The following MELTF variants were observed in gnomAD, a reference collection of about 807,000 sequenced individuals.
The protein encoded by MELTF is antigen p97 (melanoma associated) identified by monoclonal antibodies 133.2 and 96.5.
Under a neutral mutation model 83.7 loss-of-function variants are expected in MELTF, and 67 were observed. The observed-to-expected ratio is 0.80, with a 90% confidence interval of 0.66 to 0.98. The LOEUF (loss-of-function observed/expected upper bound fraction) is 0.98. Among genes scored for constraint, MELTF ranks in the 50% least tolerant of loss-of-function variants. The probability of loss-of-function intolerance (pLI) is 0.00; values close to 1 mark genes in which losing one functional copy is unlikely to be tolerated. For synonymous variants in MELTF, 462 were observed against 447.6 expected (o/e 1.03, Z -0.41); for missense variants, 1,002 against 1,035.6 (o/e 0.97, Z 0.44).
Position 197,006,619 on chromosome 3 carries a change from G to A in MELTF, c.1868C>T (p.Pro623Leu). The change falls in exon 14 of 16, where the codon CCA (proline) becomes CTA (leucine). Residue 623 changes from proline to leucine, a missense_variant. Transcript: ENST00000296350. This position sits in a 1 kb window ranked among gnomAD's most constrained non-coding sequence, Gnocchi z 5.4. ...QFAACNLAQIPPHAVMVRPDT... is the reference protein window; with the variant it reads ...QFAACNLAQILPHAVMVRPDT... ...GGGCCGGACCATCACGGCGTGGGGT[G>A]GTATCTGTGCCAGGTTGCAGGCTGC... 6.2e-7 allele frequency: 1 copy of A among 1,613,288 alleles called. No homozygotes were observed. Among genetic ancestry groups the A allele is most frequent in the Non-Finnish European group, 8.5e-7 (1 of 1,179,568 alleles).
At position 197,003,858 on chromosome 3, in the gene MELTF, T is replaced by C. The variant is rs1718874156; in HGVS notation, c.2137+43A>G. 2.5e-6 allele frequency: 4 copies of C among 1,595,556 alleles called. No homozygotes were observed. Among genetic ancestry groups the C allele is most frequent in the Non-Finnish European group, 3.4e-6 (4 of 1,169,250 alleles). ...CCCTCAGGGTTCTGGGGTGAAGGGG[T>C]CTGAATAGCACCAGGGGAGGCGGCA... On this transcript the variant is annotated intron_variant, in intron 15 of 15. Transcript: ENST00000296350. This position sits in a 1 kb window ranked among gnomAD's most constrained non-coding sequence, Gnocchi z 6.2.
In MELTF at chr3:197,022,667, A is replaced by T. The variant is rs1719668671; in HGVS notation, c.644+290T>A. Among the ~76,000 whole-genome samples the T allele has an allele frequency of 6.6e-6, 1 of 152,150 alleles. No homozygotes were observed. The highest frequency in any genetic ancestry group is 2.4e-5 in the African/African-American group (1 of 41,422). On this transcript the variant is annotated intron_variant, in intron 5 of 15. Transcript: ENST00000296350. The surrounding 1 kb of genome is among the most constrained non-coding windows in gnomAD (Gnocchi z 5.1). ...GCTCCCTGCTGGTCTGAGAATGGGGACATGGGAGTGGCCAAAAGGCTGTTT... is the reference window on the plus strand; with the variant it reads ...GCTCCCTGCTGGTCTGAGAATGGGGTCATGGGAGTGGCCAAAAGGCTGTTT...
rs1238866485 is a variant in MELTF at position 197,026,851 on chromosome 3, C to T, written c.205-92G>A. ...CTACCAGATGGCCTGGGGCCCCACCCCAAGCCCCAGAGGGCTGTGCTGTCC... is the reference window on the plus strand; with the variant it reads ...CTACCAGATGGCCTGGGGCCCCACCTCAAGCCCCAGAGGGCTGTGCTGTCC... On this transcript the variant is annotated intron_variant, in intron 2 of 15. Coordinates refer to ENST00000296350, the MANE Select transcript of MELTF (RefSeq NM_005929.6). 6 of 1,088,272 alleles carry T rather than the reference C, an allele frequency of 5.5e-6. No homozygotes were observed. The East Asian group carries it at 1.5e-4, about 27-fold the overall frequency. 67.4% of individuals were successfully genotyped at this position (1,088,272 alleles called of 1,614,324 possible).
In MELTF at chr3:197,003,391, AGGCGGGCGGCGAGGGCG is replaced by A; in HGVS notation, c.2181_2197del (p.Leu729ProfsTer270). 1 of 1,057,246 alleles carries A rather than the reference AGGCGGGCGGCGAGGGCG, an allele frequency of 9.5e-7. No homozygotes were observed. The highest frequency in any genetic ancestry group is 1.1e-6 in the Non-Finnish European group (1 of 878,514). 65.5% of individuals were successfully genotyped at this position (1,057,246 alleles called of 1,614,324 possible). ...CCGGGCTCAGAGGGCGGGCGGGAGC[AGGCGGGCGGCGAGGGCG>A]GGCAGCAGCAGCGGGAGCAGGGGCG... On this transcript the variant is annotated frameshift_variant, in exon 16 of 16. Coordinates refer to ENST00000296350, the MANE Select transcript of MELTF (RefSeq NM_005929.6). LOFTEE classifies it high-confidence loss of function. The surrounding 1 kb of genome is among the most constrained non-coding windows in gnomAD (Gnocchi z 6.2).
intron 14 of MELTF, 166 bp from the exon 15 acceptor site, chr3:197,004,265 C>T (rs1322838821): frequency 8.6e-6 from 6 of 697,410 alleles, no homozygotes; most frequent in Non-Finnish European, 1.5e-5. Context: ...ACTGATTGGC[C>T]TCTGTCACCC....
chr3:197,023,887 G>T (rs1338503070), intron 4 of MELTF: 1 of 461,372 alleles, frequency 2.2e-6, no homozygotes, highest in African/African-American at 2.0e-5. Flanking sequence ...CTTTCTGGGT[G>T]CAAGTCGGCA....
At chr3:197,009,094 G>A (rs1487373342) in intron 11 of MELTF, 129 bp from the exon 12 acceptor site, 15 of 1,025,058 alleles carry the variant, frequency 1.5e-5, no homozygotes, top group Non-Finnish European at 2.1e-5. Context: ...TGTCTGCTCC[G>A]CTCCCCTCAG....
chr3:197,027,063 G>A (rs963274862), intron 2 of MELTF: 5 of 370,786 alleles, frequency 1.3e-5, no homozygotes, highest in African/African-American at 6.1e-5. Flanking sequence ...AGTCTCCCTC[G>A]CTTTCTGTCC....
rs115578681 is a variant in MELTF, at chr3:197,002,638, G to A, written c.*734C>T. 0.1 allele frequency: 15,555 copies of A among 152,324 alleles called. 2,341 individuals are homozygous for A. Among genetic ancestry groups the A allele is most frequent in the African/African-American group, 0.33 (13,642 of 41,494 alleles). The allele number at this position is 152,324 out of a possible 1,614,324, so 9.4% of individuals were successfully genotyped here. On this transcript the variant is annotated 3_prime_UTR_variant, in exon 16 of 16. Coordinates refer to ENST00000296350, the MANE Select transcript of MELTF (RefSeq NM_005929.6). ...TGCCGCCAGGCTCGGGCGTGGGTGC[G>A]GGCGGTGGGCATCCCACGGGGGTAG...
intron 6 of MELTF, among the ~76,000 whole-genome samples, chr3:197,018,022 C>G (rs1344349005): frequency 6.6e-6 from 1 of 152,212 alleles, no homozygotes; most frequent in African/African-American, 2.4e-5. Flanking sequence ...GGAAACAAAC[C>G]CCGAAGGAAT....
rs1719675135 is a variant in MELTF, at chr3:197,022,806, C to T, written c.644+151G>A. 1.4e-6 allele frequency: 1 copy of T among 724,268 alleles called. No homozygotes were observed. Among genetic ancestry groups the T allele is most frequent in the Non-Finnish European group, 2.3e-6 (1 of 432,490 alleles). 44.9% of individuals were successfully genotyped at this position (724,268 alleles called of 1,614,324 possible). A position where few individuals can be genotyped will look rare whatever the true frequency, so the allele number is the denominator to read the frequency against. On this transcript the variant is annotated intron_variant, in intron 5 of 15. Transcript: ENST00000296350. The surrounding 1 kb of genome is among the most constrained non-coding windows in gnomAD (Gnocchi z 5.1). Reference sequence around the variant, plus strand: ...CTGGATGTTTTTAAACTAACCAGGGCACAGAACTATATAAAGGGTGCTTTG... The same window carrying T: ...CTGGATGTTTTTAAACTAACCAGGGTACAGAACTATATAAAGGGTGCTTTG...
At position 197,022,866 on chromosome 3, in the gene MELTF, C is replaced by T. The variant is rs911788187; in HGVS notation, c.644+91G>A. 2.8e-5 allele frequency: 35 copies of T among 1,271,108 alleles called. No homozygotes were observed. The highest frequency in any genetic ancestry group is 1.0e-4 in the African/African-American group (7 of 66,868). The allele number at this position is 1,271,108 out of a possible 1,614,324, so 78.7% of individuals were successfully genotyped here. ...AGCCAACATGCCACTTCCCCCTCCA[C>T]GGCCCTCTCTGGGCAAAGGTGTTTT... On this transcript the variant is annotated intron_variant, in intron 5 of 15. Coordinates refer to ENST00000296350, the MANE Select transcript of MELTF (RefSeq NM_005929.6). The surrounding 1 kb of genome is among the most constrained non-coding windows in gnomAD (Gnocchi z 5.1).
chr3:197,028,542 C>T (rs1467253248), intron 1 of MELTF: 1 of 152,982 alleles, frequency 6.5e-6, no homozygotes, highest in Non-Finnish European at 1.5e-5. Context: ...CCTGCTTCAT[C>T]TTCTGAGAGA....
intron 1 of MELTF, 111 bp from the exon 2 acceptor site, chr3:197,028,021 C>T (rs1719937565): frequency 7.8e-7 from 1 of 1,286,154 alleles, no homozygotes; most frequent in Non-Finnish European, 1.1e-6. Flanking sequence ...GACAGCCAGT[C>T]CTCTAGGGCA....
chr3:197,023,096 C>A lies in MELTF; in HGVS notation c.505G>T (p.Gly169Trp). ...DVLKAVSDYF[G>W]GSCVPGAGET... is the part of the protein sequence containing the mutation. ...CCTGCCCCCGGGACGCAGCTGCCCC[C>A]AAAATAGTCGCTGACAGCTGTGGGA... is the stretch of plus-strand genomic sequence containing the variant. The change falls in exon 5 of 16, where the codon GGG becomes TGG. Residue 169 changes from glycine to tryptophan, a missense_variant. Coordinates refer to ENST00000296350, the MANE Select transcript of MELTF (RefSeq NM_005929.6). 4 of 1,613,714 alleles carry A rather than the reference C, an allele frequency of 2.5e-6. No individual in the cohort carries two copies. The South Asian group carries it at 4.4e-5, about 18-fold the overall frequency.
chr3:197,017,613 C>T (rs960686767), intron 6 of MELTF, among the ~76,000 whole-genome samples: 5 of 152,088 alleles, frequency 3.3e-5, no homozygotes, highest in Non-Finnish European at 5.9e-5. Flanking sequence ...CGTGGTGGCT[C>T]ACGCCTGTAA....
chr3:197,027,451 C>T (rs994771484), intron 2 of MELTF, among the ~76,000 whole-genome samples: 7 of 152,254 alleles, frequency 4.6e-5, no homozygotes, highest in African/African-American at 1.4e-4. Flanking sequence ...AGCAAGTAAC[C>T]GCCTGCGGCC....
At chr3:197,010,544 C>T (rs966507783) in intron 10 of MELTF, among the ~76,000 whole-genome samples, 154 bp downstream of exon 10, 5 of 152,184 alleles carry the variant, frequency 3.3e-5, no homozygotes, top group African/African-American at 1.2e-4. Flanking sequence ...GAAACTGAGG[C>T]CTGGGGCAGG....
In MELTF at chr3:197,008,010, C is replaced by CTTCA. The variant is rs1719040504; in HGVS notation, c.1750+643_1750+646dup. Among the ~76,000 whole-genome samples, 1 of 152,148 alleles carries CTTCA rather than the reference C, an allele frequency of 6.6e-6. No individual in the cohort carries two copies. The highest frequency in any genetic ancestry group is 2.4e-5 in the African/African-American group (1 of 41,430). ...GTGTTGGAGGAAAACAGCCTCTAGT[C>CTTCA]TTCAAAACGGACACAGATTCCTTCA... On this transcript the variant is annotated intron_variant, in intron 13 of 15. Coordinates refer to ENST00000296350, the MANE Select transcript of MELTF (RefSeq NM_005929.6). This position sits in a 1 kb window ranked among gnomAD's most constrained non-coding sequence, Gnocchi z 5.4.
Sources: allele counts gnomAD v4.1 joint callset (sites outside exome capture counted in the v4.1 genomes callset), GRCh38; gene constraint gnomAD v4.1.1; non-coding constraint Gnocchi (gnomAD v3.1); transcripts MANE v1.5; gene names NCBI Gene and HGNC (gene_info 2026-07-23, HGNC 2026-07-21).